PCDHGA4: variants seen among roughly 807,000 people sequenced by gnomAD.
The protein encoded by PCDHGA4 is protocadherin gamma-A4.
In PCDHGA4, 38 loss-of-function variants were observed where a neutral mutation model predicts 54.6. The ratio of observed to expected loss-of-function variants is 0.70; its 90% CI spans 0.54 to 0.91. The LOEUF is 0.91. Among genes scored for constraint, PCDHGA4 ranks in the 40% least tolerant of loss-of-function variants. The probability of loss-of-function intolerance (pLI) is 0.00; values close to 1 mark genes in which losing one functional copy is unlikely to be tolerated. For synonymous variants in PCDHGA4, 511 were observed against 512.9 expected, an observed-to-expected ratio of 1.00 and a Z score of 0.05; for missense variants, 1,298 against 1,220.9, an observed-to-expected ratio of 1.06 and a Z score of -0.94.
intron 1 of PCDHGA4, chr5:141,370,891 C>A (rs1767286127): frequency 6.2e-7 from 1 of 1,614,028 alleles, no homozygotes; most frequent in Non-Finnish European, 8.5e-7. Context: ...GGTGTCAATT[C>A]GCTGCAGCAG....
At chr5:141,506,462 AAAAG>A (rs1396142744) in intron 3 of PCDHGA4, among the ~76,000 whole-genome samples, 1 of 151,856 alleles carries the variant, frequency 6.6e-6, no homozygotes, top group African/African-American at 2.4e-5. Flanking sequence ...AAAAAAAAAA[AAAAG>A]AGCACAGGCT....
At chr5:141,439,622 TCC>T (rs1374759651) in intron 1 of PCDHGA4, among the ~76,000 whole-genome samples, 1 of 152,134 alleles carries the variant, frequency 6.6e-6, no homozygotes, top group Non-Finnish European at 1.5e-5. Context: ...AATGAGCCAA[TCC>T]CCAGACATTC....
At chr5:141,390,146 T>C (rs2092063198) in intron 1 of PCDHGA4, 1 of 1,614,026 alleles carries the variant, frequency 6.2e-7, no homozygotes, top group Non-Finnish European at 8.5e-7. Context: ...ATCTATGTGT[T>C]GCACATACAG....
chr5:141,458,390 C>T (rs2098944487), intron 1 of PCDHGA4, among the ~76,000 whole-genome samples: 1 of 152,058 alleles, frequency 6.6e-6, no homozygotes, highest in Non-Finnish European at 1.5e-5. Context: ...GAAGACGCTC[C>T]CCCTTGCAGA....
At chr5:141,371,306 TG>T in intron 1 of PCDHGA4, 1 of 1,613,950 alleles carries the variant, frequency 6.2e-7, no homozygotes, top group Non-Finnish European at 8.5e-7. Flanking sequence ...TCACCACTAT[TG>T]GAGAACTGGA....
At chr5:141,402,534 TAC>T (rs2094278313) in intron 1 of PCDHGA4, among the ~76,000 whole-genome samples, 1 of 152,346 alleles carries the variant, frequency 6.6e-6, no homozygotes, top group Non-Finnish European at 1.5e-5. Context: ...GATTTTATAA[TAC>T]ACTTACAGAA....
chr5:141,356,270 A>G lies in PCDHGA4; in HGVS notation c.1163A>G (p.Gln388Arg), dbSNP rs751472146. Residue 388 changes from glutamine to arginine, a missense_variant, in exon 1 of 4, where the codon CAG becomes CGG. Transcript: ENST00000571252. ...VTVTSLTSSV[Q>R]ESSSPGTVIA... ...GTTACATCTCTCACCAGCTCAGTCC[A>G]GGAATCTTCTTCCCCGGGTACAGTA... is the stretch of plus-strand genomic sequence containing the variant. 3.8e-6 allele frequency: 6 copies of G among 1,562,512 alleles called. No homozygotes were observed. In the South Asian group the frequency reaches 4.7e-5, roughly 12 times the overall value.
chr5:141,408,789 T>C, intron 1 of PCDHGA4: 1 of 1,612,724 alleles, frequency 6.2e-7, no homozygotes, highest in Non-Finnish European at 8.5e-7. Context: ...GAGTTATCTC[T>C]GGAGAAACTC....
intron 1 of PCDHGA4, among the ~76,000 whole-genome samples, chr5:141,444,838 T>G (rs2098448876): frequency 6.6e-6 from 1 of 152,214 alleles, no homozygotes; most frequent in African/African-American, 2.4e-5. Context: ...AGCTTTATAG[T>G]AAGTCTTGCT....
chr5:141,403,210 C>T lies in PCDHGA4; in HGVS notation c.2514+45589C>T, dbSNP rs369033480. 123 of 1,613,946 alleles carry T rather than the reference C, an allele frequency of 7.6e-5. No homozygotes were observed. In the Middle Eastern group the frequency reaches 1.2e-3, roughly 15 times the overall value. On this transcript the variant is annotated intron_variant, in intron 1 of 3. Coordinates refer to ENST00000571252, the MANE Select transcript of PCDHGA4 (RefSeq NM_018917.4). Reference sequence around the variant, plus strand: ...ACCCGCGCAGCGGCACCTTGGTCACCGCGGGTAGGATAGACCGGGAGGAGC... The same window carrying T: ...ACCCGCGCAGCGGCACCTTGGTCACTGCGGGTAGGATAGACCGGGAGGAGC...
At chr5:141,382,737 A>G (rs1186872738) in intron 1 of PCDHGA4, 2 of 571,884 alleles carry the variant, frequency 3.5e-6, no homozygotes, top group African/African-American at 3.7e-5. Context: ...GCACAGAGAA[A>G]CGACAGATTG....
intron 1 of PCDHGA4, chr5:141,395,078 G>A: frequency 1.2e-6 from 2 of 1,614,126 alleles, no homozygotes; most frequent in Non-Finnish European, 1.7e-6. Flanking sequence ...CCTATTCCCA[G>A]GAAGTCTCCC....
chr5:141,415,890 C>A lies in PCDHGA4; in HGVS notation c.2514+58269C>A, dbSNP rs2095969500. The A allele has an allele frequency of 9.7e-6, 9 of 931,410 alleles. No homozygotes were observed. In the South Asian group the frequency reaches 2.3e-4, roughly 24 times the overall value. 57.7% of individuals were successfully genotyped at this position (931,410 alleles called of 1,614,324 possible). On this transcript the variant is annotated intron_variant, in intron 1 of 3. Coordinates refer to ENST00000571252, the MANE Select transcript of PCDHGA4 (RefSeq NM_018917.4). Reference sequence around the variant, plus strand: ...GTTGTTGAGTACAATATTGACAATTCCTAAGACAGACTTCCATACAGAAGT... The same window carrying A: ...GTTGTTGAGTACAATATTGACAATTACTAAGACAGACTTCCATACAGAAGT...
intron 1 of PCDHGA4, chr5:141,403,277 C>G (rs2094385466): frequency 6.2e-7 from 1 of 1,613,750 alleles, no homozygotes; most frequent in Admixed American, 1.7e-5. Context: ...CTTTAAAGTC[C>G]TGGTTGAAGA....
chr5:141,421,078 C>T (rs11575964), intron 1 of PCDHGA4: 20,754 of 627,892 alleles, frequency 0.033, 387 homozygotes, highest in Middle Eastern at 0.088. Context: ...GAGATGGATA[C>T]TCACAGATCC....
chr5:141,379,805 G>T (rs183993206), intron 1 of PCDHGA4, among the ~76,000 whole-genome samples: 71 of 149,374 alleles, frequency 4.8e-4, no homozygotes, highest in African/African-American at 1.7e-3. Flanking sequence ...GAGGTTTTGA[G>T]AGTTCAGTAT....
intron 1 of PCDHGA4, chr5:141,430,848 A>G (rs780445178): frequency 1.3e-6 from 2 of 1,581,028 alleles, no homozygotes; most frequent in Admixed American, 1.8e-5. Flanking sequence ...GGATGCACCC[A>G]GATACGCTAT....
intron 1 of PCDHGA4, chr5:141,413,467 G>C: frequency 1.2e-6 from 2 of 1,614,136 alleles, no homozygotes; most frequent in East Asian, 2.2e-5. Context: ...AGACCGGGAG[G>C]AGCTCTGCGC....
chr5:141,476,574 G>A lies in PCDHGA4; in HGVS notation c.2515-18233G>A, dbSNP rs746783993. ...AGCGAGGCCGTGGCTCCGGGGACGC[G>A]CTTTCCGCTCGAGAGCGCGCACGAT... is the stretch of plus-strand genomic sequence containing the variant. On this transcript the variant is annotated intron_variant, in intron 1 of 3. Coordinates refer to ENST00000571252, the MANE Select transcript of PCDHGA4 (RefSeq NM_018917.4). The surrounding 1 kb of genome is among the most constrained non-coding windows in gnomAD (Gnocchi z 7.6). 40 of 1,614,084 alleles carry A rather than the reference G, an allele frequency of 2.5e-5. No homozygotes were observed. In the African/African-American group the frequency reaches 3.7e-4, roughly 15 times the overall value.
Sources: allele counts gnomAD v4.1 joint callset (sites outside exome capture counted in the v4.1 genomes callset), GRCh38; gene constraint gnomAD v4.1.1; non-coding constraint Gnocchi (gnomAD v3.1); transcripts MANE v1.5; gene names NCBI Gene and HGNC (gene_info 2026-07-23, HGNC 2026-07-21).